Variants in ATP6V0D2 observed in about 807,000 individuals in gnomAD.
ATP6V0D2 encodes V-type proton ATPase subunit d 2.
ATP6V0D2 carries 40 observed loss-of-function variants against 40.0 expected under a neutral mutation model. That is an observed-to-expected ratio of 1.00 (90% CI 0.78 to 1.30). ATP6V0D2 has a LOEUF of 1.30. ATP6V0D2 is among the 50% of genes most tolerant of loss of function. The pLI, the probability that ATP6V0D2 is intolerant of heterozygous loss-of-function variation, is 0.00. For synonymous variants in ATP6V0D2, 179 were observed against 156.3 expected, an observed-to-expected ratio of 1.15 and a Z score of -1.08; for missense variants, 470 against 423.1, an observed-to-expected ratio of 1.11 and a Z score of -0.97.
chr8:86,110,336 C>A (rs183923488), intron 1 of ATP6V0D2, among the ~76,000 whole-genome samples: 272 of 152,308 alleles, frequency 1.8e-3, no homozygotes, highest in African/African-American at 6.3e-3. Flanking sequence ...CTCAAGTGAT[C>A]CACCCGCCTC....
chr8:86,143,061 G>T, intron 5 of ATP6V0D2, 107 bp downstream of exon 5: 2 of 690,154 alleles, frequency 2.9e-6, no homozygotes, highest in Admixed American at 2.6e-5. Context: ...TTTTAATCTA[G>T]AAGTAAGACA....
chr8:86,141,696 T>C (rs889978290), intron 4 of ATP6V0D2, among the ~76,000 whole-genome samples, 167 bp downstream of exon 4: 2 of 152,220 alleles, frequency 1.3e-5, no homozygotes, highest in Non-Finnish European at 2.9e-5. Context: ...GTTAAATGCA[T>C]GCATGTCAGC....
At chr8:86,152,553 G>A (rs370940164) in intron 7 of ATP6V0D2, among the ~76,000 whole-genome samples, 24 of 152,254 alleles carry the variant, frequency 1.6e-4, no homozygotes, top group Middle Eastern at 3.4e-3. Flanking sequence ...GTGTGAAAGC[G>A]TTCCTATTTC....
intron 2 of ATP6V0D2, among the ~76,000 whole-genome samples, chr8:86,127,313 T>A (rs1451198377): frequency 3.3e-5 from 5 of 152,320 alleles, no homozygotes; most frequent in Admixed American, 3.3e-4. Context: ...AAAACTTTCA[T>A]TTGAAAATTC....
rs1380845511 is a variant in ATP6V0D2 at position 86,153,944 on chromosome 8, A to G, written c.*967A>G. The G allele has an allele frequency of 6.6e-6, 1 of 151,576 alleles. No homozygotes were observed. The highest frequency in any genetic ancestry group is 1.9e-4 in the East Asian group (1 of 5,132). 9.4% of individuals were successfully genotyped at this position (151,576 alleles called of 1,614,324 possible). ...CCACTACACTCAGCTAATTTTTTGT[A>G]TTTTTAGTAGAGCCGGGGTTTCACC... On this transcript the variant is annotated 3_prime_UTR_variant, in exon 8 of 8. Transcript: ENST00000285393.
chr8:86,138,961 C>G (rs1203707388), intron 2 of ATP6V0D2, among the ~76,000 whole-genome samples: 2 of 152,180 alleles, frequency 1.3e-5, no homozygotes, highest in East Asian at 3.9e-4. Context: ...GGCACCATGG[C>G]TCATGCCTAT....
intron 2 of ATP6V0D2, among the ~76,000 whole-genome samples, chr8:86,137,679 C>T (rs1459083838): frequency 6.6e-6 from 1 of 152,112 alleles, no homozygotes; most frequent in African/African-American, 2.4e-5. Context: ...CAATAAATGG[C>T]TCTATAACCT....
rs563226980 is a variant in ATP6V0D2 at position 86,147,584 on chromosome 8, C to T, written c.640-2528C>T. 8.5e-5 allele frequency among the ~76,000 whole-genome samples: 13 copies of T among 152,166 alleles called. No individual in the cohort carries two copies. The East Asian group carries it at 1.4e-3, about 16-fold the overall frequency. ...GAACAGTCCTTTTCCAATTCTAAAA[C>T]GATGGGTGTTTTCACCATAGGATAA... On this transcript the variant is annotated intron_variant, in intron 5 of 7. Coordinates refer to ENST00000285393, the MANE Select transcript of ATP6V0D2 (RefSeq NM_152565.1).
At chr8:86,099,683 G>A (rs895902803) in intron 1 of ATP6V0D2, among the ~76,000 whole-genome samples, 5 of 152,102 alleles carry the variant, frequency 3.3e-5, no homozygotes, top group African/African-American at 1.2e-4. Flanking sequence ...TTGGAGAGAC[G>A]GGTTTTCACC....
intron 1 of ATP6V0D2, among the ~76,000 whole-genome samples, chr8:86,109,042 A>G (rs1284954158): frequency 6.6e-6 from 1 of 152,208 alleles, no homozygotes; most frequent in East Asian, 1.9e-4. Flanking sequence ...TTATTTTAAT[A>G]AAAAGGAAAA....
intron 6 of ATP6V0D2, 92 bp downstream of exon 6, chr8:86,150,380 A>C: frequency 1.1e-5 from 14 of 1,233,784 alleles, no homozygotes; most frequent in Non-Finnish European, 1.6e-5. Flanking sequence ...GCTTATACTC[A>C]AAAGAAGTAA....
At chr8:86,105,487 A>G (rs1818457373) in intron 1 of ATP6V0D2, among the ~76,000 whole-genome samples, 1 of 152,004 alleles carries the variant, frequency 6.6e-6, no homozygotes, top group African/African-American at 2.4e-5. Flanking sequence ...TTGTAGAGAC[A>G]GGGTTTATTC....
At chr8:86,139,665 C>T in intron 3 of ATP6V0D2, 30 bp downstream of exon 3, 3 of 1,527,856 alleles carry the variant, frequency 2.0e-6, no homozygotes, top group Non-Finnish European at 2.6e-6. Context: ...TTTGTAGCTG[C>T]TTGTGTATGT....
At chr8:86,134,040 G>GA (rs971320044) in intron 2 of ATP6V0D2, among the ~76,000 whole-genome samples, 1 of 151,790 alleles carries the variant, frequency 6.6e-6, no homozygotes, top group African/African-American at 2.4e-5. Context: ...ACTTCTGAAA[G>GA]AAAAAAAGAC....
chr8:86,120,500 T>C (rs1045654631), intron 2 of ATP6V0D2, among the ~76,000 whole-genome samples: 2 of 152,036 alleles, frequency 1.3e-5, no homozygotes, highest in African/African-American at 4.8e-5. Context: ...AGGAGGATCA[T>C]TTAAGTGCAG....
chr8:86,150,628 A>G lies in ATP6V0D2; in HGVS notation c.816+340A>G, dbSNP rs111866578. ...AGCTCATATCAACGTTATGTAAAAT[A>G]GTCTAACCCAGCAGCCCTTTCAGGT... On this transcript the variant is annotated intron_variant, in intron 6 of 7. Coordinates refer to ENST00000285393, the MANE Select transcript of ATP6V0D2 (RefSeq NM_152565.1). 8.6e-4 allele frequency among the ~76,000 whole-genome samples: 131 copies of G among 152,272 alleles called. 1 individual carries two copies. The highest frequency in any genetic ancestry group is 2.7e-3 in the African/African-American group (114 of 41,568).
chr8:86,144,230 G>A (rs1819017582), intron 5 of ATP6V0D2, among the ~76,000 whole-genome samples: 1 of 152,104 alleles, frequency 6.6e-6, no homozygotes, highest in South Asian at 2.1e-4. Context: ...AGGATTTGTG[G>A]GGCATCCTGC....
intron 2 of ATP6V0D2, among the ~76,000 whole-genome samples, chr8:86,137,916 G>A (rs1818919346): frequency 6.6e-6 from 1 of 152,114 alleles, no homozygotes; most frequent in African/African-American, 2.4e-5. Flanking sequence ...TTGCAGCTAT[G>A]GTTTGAAAAG....
At chr8:86,112,299 C>T (rs1003886866) in intron 1 of ATP6V0D2, among the ~76,000 whole-genome samples, 2 of 152,232 alleles carry the variant, frequency 1.3e-5, no homozygotes, top group Middle Eastern at 6.8e-3. Flanking sequence ...ATAATTAAAT[C>T]TTTACAGAAC....
Sources: gnomAD v4.1 joint callset for allele counts (sites outside exome capture counted in the v4.1 genomes callset) on GRCh38, gnomAD v4.1.1 for gene constraint, MANE v1.5 for transcripts, NCBI Gene and HGNC (gene_info 2026-07-23, HGNC 2026-07-21) for gene names.